SMG6: variants seen among roughly 807,000 people sequenced by gnomAD.
The protein encoded by SMG6 is telomerase-binding protein EST1A.
A neutral mutation model predicts 142.2 loss-of-function variants in SMG6; 66 were observed. The ratio of observed to expected loss-of-function variants is 0.46; its 90% confidence interval spans 0.38 to 0.57. The LOEUF is 0.57. Ranked by LOEUF, SMG6 falls within the 20% of genes least tolerant of loss-of-function variation. SMG6 has a pLI of 0.00. For synonymous variants in SMG6, 779 were observed against 702.4 expected (o/e 1.11, Z -1.72); for missense variants, 1,793 against 1,832.0 (o/e 0.98, Z 0.39).
intron 13 of SMG6, among the ~76,000 whole-genome samples, chr17:2,129,473 G>C (rs748706083): frequency 1.3e-5 from 2 of 152,062 alleles, no homozygotes; most frequent in Non-Finnish European, 1.5e-5. Context: ...AGAAGCGAAT[G>C]GTCTTAACAT....
At chr17:2,198,861 C>A (rs2072417425) in intron 10 of SMG6, among the ~76,000 whole-genome samples, 1 of 150,884 alleles carries the variant, frequency 6.6e-6, no homozygotes, top group African/African-American at 2.4e-5. Context: ...TGCTGCCTGG[C>A]CTGAGCTGGT....
chr17:2,159,015 A>G (rs2071093674), intron 13 of SMG6, among the ~76,000 whole-genome samples: 1 of 152,248 alleles, frequency 6.6e-6, no homozygotes, highest in Non-Finnish European at 1.5e-5. Flanking sequence ...CTCAATAAGA[A>G]AACACCCCAA....
intron 9 of SMG6, among the ~76,000 whole-genome samples, chr17:2,242,124 G>A (rs1033047428): frequency 2.6e-5 from 4 of 151,926 alleles, no homozygotes; most frequent in Admixed American, 6.6e-5. Context: ...AACATGGTAC[G>A]GGAAAATTTA....
intron 8 of SMG6, among the ~76,000 whole-genome samples, chr17:2,259,412 G>A (rs545029077): frequency 6.6e-6 from 1 of 152,236 alleles, no homozygotes; most frequent in Admixed American, 6.5e-5. Flanking sequence ...AATAAGGAAA[G>A]AGTCCTTCAA....
intron 12 of SMG6, 29 bp from the exon 13 acceptor site, chr17:2,172,888 G>T (rs982733780): frequency 1.3e-6 from 2 of 1,597,860 alleles, no homozygotes; most frequent in East Asian, 4.5e-5. Context: ...GAAAAGAGCA[G>T]CTCTAAAGAG....
intron 10 of SMG6, among the ~76,000 whole-genome samples, chr17:2,203,301 T>G (rs1320910019): frequency 6.6e-6 from 1 of 152,186 alleles, no homozygotes; most frequent in Non-Finnish European, 1.5e-5. Context: ...CATCCCCTCT[T>G]GGGCAGGACA....
At chr17:2,144,705 C>T (rs1322758587) in intron 13 of SMG6, among the ~76,000 whole-genome samples, 1 of 152,110 alleles carries the variant, frequency 6.6e-6, no homozygotes, top group African/African-American at 2.4e-5. Flanking sequence ...ACACAGAGAT[C>T]ACTTTAAATT....
Position 2,060,503 on chromosome 17 carries a change from TAG to T in SMG6, c.*987_*988del, listed in dbSNP as rs1312014658. The T allele has an allele frequency of 6.6e-6, 1 of 151,908 alleles. No individual in the cohort carries two copies. The highest frequency in any genetic ancestry group is 1.5e-5 in the Non-Finnish European group (1 of 68,018). The allele number at this position is 151,908 out of a possible 1,614,324, so 9.4% of individuals were successfully genotyped here. On this transcript the variant is annotated 3_prime_UTR_variant, in exon 19 of 19. Coordinates refer to ENST00000263073, the MANE Select transcript of SMG6 (RefSeq NM_017575.5). Reference sequence around the variant, plus strand: ...TGTACTAGGTTCCTGCCATGGGTAGTAGAGAGGGAAAGTTCAGAGTGAGAACC... The same window carrying T: ...TGTACTAGGTTCCTGCCATGGGTAGTAGAGGGAAAGTTCAGAGTGAGAACC...
At chr17:2,141,280 T>G (rs1480000253) in intron 13 of SMG6, among the ~76,000 whole-genome samples, 1 of 152,234 alleles carries the variant, frequency 6.6e-6, no homozygotes, top group Non-Finnish European at 1.5e-5. Flanking sequence ...TCTATTTGAT[T>G]GCACTGGTTT....
Position 2,231,747 on chromosome 17 carries a change from C to T in SMG6, c.2869+4745G>A, listed in dbSNP as rs182541457. 1.4e-3 allele frequency among the ~76,000 whole-genome samples: 189 copies of T among 133,738 alleles called. 1 individual carries two copies. Among genetic ancestry groups the T allele is most frequent in the Non-Finnish European group, 2.1e-3 (136 of 65,312 alleles). The allele number at this position is 133,738 out of a possible 152,430, so 87.7% of individuals were successfully genotyped here. ...AGCATAAATGATAATGAAAGGAATG[C>T]CAGTCAGGCTCTACCTTAATCCCAG... On this transcript the variant is annotated intron_variant, in intron 10 of 18. Coordinates refer to ENST00000263073, the MANE Select transcript of SMG6 (RefSeq NM_017575.5).
chr17:2,172,968 T>A, intron 12 of SMG6, 109 bp from the exon 13 acceptor site: 1 of 1,080,500 alleles, frequency 9.3e-7, no homozygotes, highest in Non-Finnish European at 1.4e-6. Flanking sequence ...TTGTCTAGGC[T>A]GGCATCTGCC....
At position 2,133,261 on chromosome 17, in the gene SMG6, TA is replaced by T. The variant is rs903701828; in HGVS notation, c.3357+39396del. Among the ~76,000 whole-genome samples, 29 of 152,012 alleles carry T rather than the reference TA, an allele frequency of 1.9e-4. 1 individual carries two copies. Among genetic ancestry groups the T allele is most frequent in the Admixed American group, 1.7e-3 (26 of 15,238 alleles). The stretch of plus-strand genomic sequence containing the variant: ...TCCATCTGGGGGGGAAAAAAAAGTT[TA>T]AAAACGTAAAATTCTTAGAATAATA... On this transcript the variant is annotated intron_variant, in intron 13 of 18. Transcript: ENST00000263073.
At chr17:2,149,374 A>AG (rs2070761557) in intron 13 of SMG6, among the ~76,000 whole-genome samples, 1 of 145,884 alleles carries the variant, frequency 6.9e-6, no homozygotes, top group African/African-American at 2.5e-5. Context: ...AAAAAAAAAA[A>AG]GGGTTAAAAT....
At chr17:2,189,473 G>C (rs2072094504) in intron 10 of SMG6, among the ~76,000 whole-genome samples, 1 of 152,170 alleles carries the variant, frequency 6.6e-6, no homozygotes, top group South Asian at 2.1e-4. Flanking sequence ...ACCCACAGGA[G>C]ACAGAATCAG....
chr17:2,261,699 G>A (rs368139043), intron 8 of SMG6, among the ~76,000 whole-genome samples: 4 of 152,060 alleles, frequency 2.6e-5, no homozygotes, highest in Non-Finnish European at 4.4e-5. Flanking sequence ...CCCAGTGTAC[G>A]GATGTAAAGA....
At chr17:2,143,309 C>CA (rs897896906) in intron 13 of SMG6, among the ~76,000 whole-genome samples, 20 of 151,876 alleles carry the variant, frequency 1.3e-4, no homozygotes, top group Admixed American at 1.0e-3. Flanking sequence ...TCATAATAGC[C>CA]AAAAAATGCA....
intron 8 of SMG6, among the ~76,000 whole-genome samples, chr17:2,251,959 G>A (rs2074055560): frequency 6.6e-6 from 1 of 152,088 alleles, no homozygotes; most frequent in African/African-American, 2.4e-5. Context: ...AAATTAGCCG[G>A]GCGTGGTGGC....
At chr17:2,297,763 G>C (rs892648925) in intron 3 of SMG6, 100 bp downstream of exon 3, 1 of 1,375,478 alleles carries the variant, frequency 7.3e-7, no homozygotes, top group Non-Finnish European at 9.9e-7. Flanking sequence ...TTTTTTTGTC[G>C]ATATTCTGTT....
At chr17:2,170,120 G>A in intron 13 of SMG6, among the ~76,000 whole-genome samples, 1 of 152,158 alleles carries the variant, frequency 6.6e-6, no homozygotes, top group East Asian at 1.9e-4. Context: ...GGTGGGGCAG[G>A]ATTCAGGAGT....
Sources: gnomAD v4.1 joint callset for allele counts (sites outside exome capture counted in the v4.1 genomes callset) on GRCh38, gnomAD v4.1.1 for gene constraint, MANE v1.5 for transcripts, NCBI Gene and HGNC (gene_info 2026-07-23, HGNC 2026-07-21) for gene names.